Variants in TRAPPC9 observed in about 807,000 individuals in gnomAD.
TRAPPC9 encodes the protein trafficking protein particle complex subunit 9, also known as IKK2 binding protein.
In TRAPPC9, 83 loss-of-function variants were observed where a neutral mutation model predicts 124.0. The ratio of observed to expected loss-of-function variants is 0.67; its 90% confidence interval spans 0.56 to 0.80. TRAPPC9 has a LOEUF of 0.80. Ranked by LOEUF, TRAPPC9 falls within the 30% of genes least tolerant of loss-of-function variation. The pLI, the probability that TRAPPC9 is intolerant of heterozygous loss-of-function variation, is 0.00. For synonymous variants in TRAPPC9, 638 were observed against 617.5 expected (o/e 1.03, Z -0.49); for missense variants, 1,302 against 1,508.3 (o/e 0.86, Z 2.27).
At chr8:140,369,366 G>A (rs2068212909) in intron 8 of TRAPPC9, among the ~76,000 whole-genome samples, 1 of 152,210 alleles carries the variant, frequency 6.6e-6, no homozygotes, top group South Asian at 2.1e-4. Context: ...TTCCACTGTA[G>A]AGGGCAGAAA....
chr8:139,745,672 C>T (rs916008547), intron 21 of TRAPPC9, among the ~76,000 whole-genome samples: 29 of 152,324 alleles, frequency 1.9e-4, no homozygotes, highest in African/African-American at 6.7e-4. Flanking sequence ...ATTTGCTGCC[C>T]TGGCTGGAGC....
intron 21 of TRAPPC9, among the ~76,000 whole-genome samples, chr8:139,827,873 G>C (rs998738257): frequency 4.6e-5 from 7 of 152,228 alleles, no homozygotes; most frequent in African/African-American, 1.4e-4. Context: ...TTTTACTCAT[G>C]GCAGAAGGCA....
At chr8:140,284,796 C>T (rs933162742) in intron 13 of TRAPPC9, among the ~76,000 whole-genome samples, 1 of 152,200 alleles carries the variant, frequency 6.6e-6, no homozygotes, top group Non-Finnish European at 1.5e-5. Flanking sequence ...TACACAGCCT[C>T]AGTCAGCCCC....
intron 17 of TRAPPC9, among the ~76,000 whole-genome samples, chr8:140,074,543 A>AT (rs1362184654): frequency 6.6e-6 from 1 of 152,154 alleles, no homozygotes; most frequent in Non-Finnish European, 1.5e-5. Context: ...GGAAGGATAC[A>AT]TGGGGTTCTT....
rs1273141353 is a variant in TRAPPC9, at chr8:139,825,707, G to A, written c.3055+60172C>T. The stretch of plus-strand genomic sequence containing the variant: ...TGCAGGACACAGCCAGTGATCAGAC[G>A]CCCCGTGGAGGATACCGCCGAGCAG... On this transcript the variant is annotated intron_variant, in intron 21 of 22. Transcript: ENST00000438773. The surrounding 1 kb of genome is among the most constrained non-coding windows in gnomAD (Gnocchi z 4.6). 2.0e-5 allele frequency among the ~76,000 whole-genome samples: 3 copies of A among 152,120 alleles called. No individual in the cohort carries two copies. Among genetic ancestry groups the A allele is most frequent in the Non-Finnish European group, 1.5e-5 (1 of 68,018 alleles).
rs11166949 is a variant in TRAPPC9, at chr8:140,087,806, C to T, written c.2557-63727G>A. Among the ~76,000 whole-genome samples the T allele has an allele frequency of 0.058, 8,825 of 152,106 alleles. 404 individuals are homozygous for T. The highest frequency in any genetic ancestry group is 0.11 in the African/African-American group (4,667 of 41,430). The stretch of plus-strand genomic sequence containing the variant: ...TCACAGTGACCATTCTCATGCATGA[C>T]GAGCAACCGCACCATTCCCTGGCTC... On this transcript the variant is annotated intron_variant, in intron 17 of 22. Transcript: ENST00000438773. The surrounding 1 kb of genome is among the most constrained non-coding windows in gnomAD (Gnocchi z 4.6).
At chr8:139,821,753 C>T (rs562046955) in intron 21 of TRAPPC9, among the ~76,000 whole-genome samples, 3 of 152,328 alleles carry the variant, frequency 2.0e-5, no homozygotes, top group South Asian at 4.1e-4. Context: ...GGCTCCATGA[C>T]GGTCCAGCCA....
intron 19 of TRAPPC9, among the ~76,000 whole-genome samples, chr8:139,977,393 G>A (rs1023800032): frequency 2.6e-5 from 4 of 151,940 alleles, no homozygotes; most frequent in East Asian, 3.9e-4. Flanking sequence ...AGGCCGAGGC[G>A]GGTGGATCAC....
chr8:140,341,404 T>C (rs1013227349), intron 9 of TRAPPC9, among the ~76,000 whole-genome samples: 11 of 152,182 alleles, frequency 7.2e-5, no homozygotes, highest in African/African-American at 2.7e-4. Flanking sequence ...TTCCCATTCA[T>C]GCCATCAATA....
At chr8:139,887,120 A>C (rs1489258037) in intron 20 of TRAPPC9, among the ~76,000 whole-genome samples, 2 of 151,984 alleles carry the variant, frequency 1.3e-5, no homozygotes, top group African/African-American at 4.8e-5. Context: ...CCCGCCGGTC[A>C]CACCACCACA....
chr8:140,297,251 A>G (rs4376481), intron 11 of TRAPPC9, among the ~76,000 whole-genome samples: 5,025 of 152,272 alleles, frequency 0.033, 277 homozygotes, highest in African/African-American at 0.11. Flanking sequence ...GAGAGACAAG[A>G]TTGGGGTGTC....
At chr8:140,160,730 C>A (rs1444264442) in intron 17 of TRAPPC9, among the ~76,000 whole-genome samples, 3 of 151,802 alleles carry the variant, frequency 2.0e-5, no homozygotes, top group Non-Finnish European at 2.9e-5. Flanking sequence ...ATCAACATGG[C>A]ACATGTATAC....
At chr8:139,913,738 C>T (rs1563917648) in intron 19 of TRAPPC9, among the ~76,000 whole-genome samples, 1 of 152,310 alleles carries the variant, frequency 6.6e-6, no homozygotes, top group South Asian at 2.1e-4. Flanking sequence ...ACCAAGAAAT[C>T]GAGTGACTCA....
At position 139,731,031 on chromosome 8, in the gene TRAPPC9, C is replaced by G. The variant is rs776226146; in HGVS notation, c.*30G>C. 6.2e-7 allele frequency: 1 copy of G among 1,609,826 alleles called. No homozygotes were observed. Among genetic ancestry groups the G allele is most frequent in the East Asian group, 2.2e-5 (1 of 44,814 alleles). On this transcript the variant is annotated 3_prime_UTR_variant, in exon 23 of 23. Coordinates refer to ENST00000438773, the MANE Select transcript of TRAPPC9 (RefSeq NM_001160372.4). The stretch of plus-strand genomic sequence containing the variant: ...AGGCCAGGCAGGGTCACCTCTGGCC[C>G]TGCAGAAAGAGGGACGGAAGTAGGC...
intron 17 of TRAPPC9, among the ~76,000 whole-genome samples, chr8:140,070,644 C>G (rs1843112640): frequency 6.6e-6 from 1 of 152,198 alleles, no homozygotes; most frequent in Non-Finnish European, 1.5e-5. Context: ...ACCATAGTGA[C>G]AGAAGAGTGT....
chr8:140,376,553 TAAAAAAAAAAAAA>T (rs34319639), intron 7 of TRAPPC9, among the ~76,000 whole-genome samples: 10 of 49,766 alleles, frequency 2.0e-4, no homozygotes, highest in South Asian at 1.4e-3. Flanking sequence ...AGACTCCATC[TAAAAAAAAAAAAA>T]AAAAAAAAAA....
intron 19 of TRAPPC9, among the ~76,000 whole-genome samples, chr8:139,946,512 G>A (rs1834226684): frequency 6.6e-6 from 1 of 152,162 alleles, no homozygotes; most frequent in African/African-American, 2.4e-5. Flanking sequence ...TCCTCTAGCA[G>A]TGCTATTTAC....
chr8:139,833,193 T>C (rs978106387), intron 21 of TRAPPC9, among the ~76,000 whole-genome samples: 3 of 152,166 alleles, frequency 2.0e-5, no homozygotes, highest in African/African-American at 7.2e-5. Context: ...CATTCCCTGA[T>C]GAGAACCCAG....
At chr8:139,922,206 T>C (rs1024759322) in intron 19 of TRAPPC9, among the ~76,000 whole-genome samples, 10 of 149,858 alleles carry the variant, frequency 6.7e-5, no homozygotes, top group Non-Finnish European at 1.0e-4. Context: ...TTGGATGGAG[T>C]CTTGCTCTGT....
Sources: allele counts gnomAD v4.1 joint callset (sites outside exome capture counted in the v4.1 genomes callset), GRCh38; gene constraint gnomAD v4.1.1; non-coding constraint Gnocchi (gnomAD v3.1); transcripts MANE v1.5; gene names NCBI Gene and HGNC (gene_info 2026-07-23, HGNC 2026-07-21).